LRRC8C: variants seen among roughly 807,000 people sequenced by gnomAD.
LRRC8C encodes the protein volume-regulated anion channel subunit LRRC8C.
Under a neutral mutation model 55.3 loss-of-function variants are expected in LRRC8C, and 20 were observed. The ratio of observed to expected loss-of-function variants is 0.36; its 90% CI spans 0.25 to 0.53. The LOEUF is 0.53. Among genes scored for constraint, LRRC8C ranks in the 20% least tolerant of loss-of-function variants. The pLI is 0.92. For missense variants in LRRC8C, 659 were observed against 951.4 expected (o/e 0.69, Z 4.04); for synonymous variants, 376 against 360.7 (o/e 1.04, Z -0.48).
chr1:89,707,645 T>TGTGA (rs1365690292), intron 2 of LRRC8C, among the ~76,000 whole-genome samples: 7 of 122,224 alleles, frequency 5.7e-5, no homozygotes, highest in African/African-American at 2.9e-4. Context: ...GGTGTGTGTG[T>TGTGA]GTGTGAGTGT....
chr1:89,671,301 GAGGAGGAAAGGAGAAAAGGAAAGAGGAA>G, intron 1 of LRRC8C, among the ~76,000 whole-genome samples: 1 of 152,046 alleles, frequency 6.6e-6, no homozygotes, highest in African/African-American at 2.4e-5. Flanking sequence ...GAAGGTTAGA[GAGGAGGAAAGGAGAAAAGGAAAGAGGAA>G]GGGCATACTC....
chr1:89,704,402 G>A (rs1658414503), intron 2 of LRRC8C, among the ~76,000 whole-genome samples: 2 of 152,104 alleles, frequency 1.3e-5, no homozygotes, highest in Non-Finnish European at 2.9e-5. Context: ...GTAATTCCAT[G>A]GCACTTAGAA....
At chr1:89,709,848 T>C (rs577999275) in intron 2 of LRRC8C, among the ~76,000 whole-genome samples, 1 of 150,114 alleles carries the variant, frequency 6.7e-6, no homozygotes, top group South Asian at 2.1e-4. Context: ...GCCTCCCGGG[T>C]TCACGCCATT....
intron 2 of LRRC8C, among the ~76,000 whole-genome samples, chr1:89,703,788 T>C (rs1192698602): frequency 6.6e-6 from 1 of 151,914 alleles, no homozygotes; most frequent in Non-Finnish European, 1.5e-5. Context: ...AAATGAGCAG[T>C]GCAGCAGAAG....
chr1:89,699,928 T>C (rs1468461401), intron 2 of LRRC8C, among the ~76,000 whole-genome samples: 1 of 152,212 alleles, frequency 6.6e-6, no homozygotes, highest in African/African-American at 2.4e-5. Context: ...TGAAACACAG[T>C]CTACATTTTC....
chr1:89,700,418 C>T (rs1485379558), intron 2 of LRRC8C, among the ~76,000 whole-genome samples: 2 of 152,216 alleles, frequency 1.3e-5, no homozygotes, highest in Non-Finnish European at 2.9e-5. Flanking sequence ...GGCTATGCCT[C>T]TTTGGTTTTC....
chr1:89,678,709 A>C (rs560862703), intron 1 of LRRC8C, among the ~76,000 whole-genome samples: 4 of 145,018 alleles, frequency 2.8e-5, no homozygotes, highest in African/African-American at 9.9e-5. Flanking sequence ...TAAAAAAAAA[A>C]AAAAACGAAA....
intron 1 of LRRC8C, among the ~76,000 whole-genome samples, chr1:89,656,882 GA>G (rs1269441688): frequency 1.3e-5 from 2 of 152,022 alleles, no homozygotes; most frequent in Non-Finnish European, 2.9e-5. Flanking sequence ...AAGAAGTCTG[GA>G]AATATTTTCT....
intron 1 of LRRC8C, among the ~76,000 whole-genome samples, chr1:89,685,318 C>CTGT (rs10682040): frequency 7.2e-6 from 1 of 138,402 alleles, no homozygotes; most frequent in Non-Finnish European, 1.5e-5. Context: ...CGGGGTTTCA[C>CTGT]GTTAGCCAGG....
chr1:89,674,137 T>A (rs1455997624), intron 1 of LRRC8C, among the ~76,000 whole-genome samples: 11 of 152,186 alleles, frequency 7.2e-5, no homozygotes, highest in Admixed American at 7.2e-4. Context: ...GGAGGATAGG[T>A]TTTTTATCTT....
At chr1:89,685,639 G>A (rs1657858565) in intron 1 of LRRC8C, among the ~76,000 whole-genome samples, 1 of 152,152 alleles carries the variant, frequency 6.6e-6, no homozygotes, top group Non-Finnish European at 1.5e-5. Context: ...GAGTAAGAAA[G>A]GAGGAGGCAC....
chr1:89,628,521 T>A (rs1656029322), upstream of LRRC8C, among the ~76,000 whole-genome samples: 1 of 152,190 alleles, frequency 6.6e-6, no homozygotes, highest in Non-Finnish European at 1.5e-5. Context: ...CCCAGAATGC[T>A]GGGGTTATAG....
chr1:89,686,558 G>A lies in LRRC8C; in HGVS notation c.85G>A (p.Asp29Asn), dbSNP rs1657888560. 6 of 1,614,052 alleles carry A rather than the reference G, an allele frequency of 3.7e-6. No homozygotes were observed. Among genetic ancestry groups the A allele is most frequent in the Non-Finnish European group, 5.1e-6 (6 of 1,180,032 alleles). ...VLKPWWDVFT[D>N]YLSVAMLMIG... The stretch of plus-strand genomic sequence containing the variant: ...GAAGCCATGGTGGGATGTGTTTACC[G>A]ATTACCTCTCAGTAGCCATGCTCAT... Residue 29 changes from aspartate (D) to asparagine (N), a missense_variant, in exon 2 of 3, where the codon GAT (aspartate) becomes AAT (asparagine). Physicochemically the swap from Asp to Asn is conservative, Grantham distance 23. Transcript: ENST00000370454.
At chr1:89,661,096 A>G (rs1428189580) in intron 1 of LRRC8C, 1 of 171,184 alleles carries the variant, frequency 5.8e-6, no homozygotes, top group African/African-American at 2.4e-5. Context: ...CCAATAGATT[A>G]CATCAACATG....
intron 2 of LRRC8C, among the ~76,000 whole-genome samples, chr1:89,695,092 T>C (rs1014422868): frequency 1.1e-4 from 16 of 151,688 alleles, no homozygotes; most frequent in Admixed American, 9.8e-4. Context: ...CAGCTAATTT[T>C]TGTATTTTTA....
rs1483838415 is a variant in LRRC8C at position 89,716,045 on chromosome 1, T to C, written c.*1063T>C. On this transcript the variant is annotated 3_prime_UTR_variant, in exon 3 of 3. Transcript: ENST00000370454. Reference sequence around the variant, plus strand: ...CTGCATCTGTGGATTCCACCAACTGTAGATGGAAAATACTCAAAAAGAAAG... The same window carrying C: ...CTGCATCTGTGGATTCCACCAACTGCAGATGGAAAATACTCAAAAAGAAAG... 1 of 152,294 alleles carries C rather than the reference T, an allele frequency of 6.6e-6. No homozygotes were observed. The highest frequency in any genetic ancestry group is 1.5e-5 in the Non-Finnish European group (1 of 68,022). The allele number at this position is 152,294 out of a possible 1,614,324, so 9.4% of individuals were successfully genotyped here. A position where few individuals can be genotyped will look rare whatever the true frequency, so the allele number is the denominator to read the frequency against.
the LRRC8C span, among the ~76,000 whole-genome samples, chr1:89,619,726 TTAAAA>T: frequency 6.6e-6 from 1 of 152,040 alleles, no homozygotes; most frequent in Non-Finnish European, 1.5e-5. Context: ...ATGGAAAACT[TTAAAA>T]TAAGGATGCA....
intron 1 of LRRC8C, among the ~76,000 whole-genome samples, chr1:89,662,116 A>C (rs1657137989): frequency 6.6e-6 from 1 of 152,246 alleles, no homozygotes; most frequent in African/African-American, 2.4e-5. Context: ...GTCTTGGGCC[A>C]CACATAAAAT....
chr1:89,712,400 A>G (rs980825335), intron 2 of LRRC8C, among the ~76,000 whole-genome samples: 1 of 152,224 alleles, frequency 6.6e-6, no homozygotes, highest in Non-Finnish European at 1.5e-5. Context: ...GTTGTGAGCC[A>G]CTGCGCCTGG....
Sources: allele counts gnomAD v4.1 joint callset (sites outside exome capture counted in the v4.1 genomes callset), GRCh38; gene constraint gnomAD v4.1.1; transcripts MANE v1.5; gene names NCBI Gene and HGNC (gene_info 2026-07-23, HGNC 2026-07-21).